Variants in NCF4 observed in about 807,000 individuals in gnomAD.
NCF4 encodes neutrophil cytosolic factor 4.
NCF4 carries 30 observed loss-of-function variants against 41.7 expected under a neutral mutation model. The ratio of observed to expected loss-of-function variants is 0.72; its 90% confidence interval spans 0.54 to 0.97. NCF4 has a LOEUF of 0.97. NCF4 is among the 50% of genes least tolerant of loss of function. The pLI is 0.00. For missense variants in NCF4, 432 were observed against 460.9 expected (o/e 0.94, Z 0.57); for synonymous variants, 195 against 175.8 (o/e 1.11, Z -0.87).
chr22:36,870,239 A>G, intron 4 of NCF4, 176 bp from the exon 5 acceptor site: 5 of 888,888 alleles, frequency 5.6e-6, no homozygotes, highest in Non-Finnish European at 8.8e-6. Flanking sequence ...GTGAAGTGTT[A>G]CCTTCAGCAT....
In NCF4 at chr22:36,864,963, C is replaced by T; in HGVS notation, c.162C>T (p.Leu54=). 1 of 1,614,106 alleles carries T rather than the reference C, an allele frequency of 6.2e-7. No individual in the cohort carries two copies. Among genetic ancestry groups the T allele is most frequent in the Non-Finnish European group, 8.5e-7 (1 of 1,180,018 alleles). Reference sequence around the variant, plus strand: ...AGACAAAAGGAGGATCCAAGTACCTCATCTACCGCCGCTACCGCCAGTTCC... The same window carrying T: ...AGACAAAAGGAGGATCCAAGTACCTTATCTACCGCCGCTACCGCCAGTTCC... The part of the protein sequence containing the change: ...EVKTKGGSKY[L]IYRRYRQFHA... The change falls in exon 3 of 10, where the codon CTC becomes CTT. Residue 54 remains leucine (L), a synonymous_variant. Coordinates refer to ENST00000248899, the MANE Select transcript of NCF4 (RefSeq NM_000631.5).
In NCF4 at chr22:36,865,094, G is replaced by A. The variant is rs374147489; in HGVS notation, c.271+22G>A. 1.2e-5 allele frequency: 19 copies of A among 1,605,548 alleles called. No homozygotes were observed. The African/African-American group carries it at 2.5e-4, about 21-fold the overall frequency. ...CCAGGTAGGCGGCCACTCCCGTCCTGCTGCTGCAGAGCTGCTGACTCTCCT... is the reference window on the plus strand; with the variant it reads ...CCAGGTAGGCGGCCACTCCCGTCCTACTGCTGCAGAGCTGCTGACTCTCCT... On this transcript the variant is annotated intron_variant, in intron 3 of 9. Transcript: ENST00000248899. This position sits in a 1 kb window ranked among gnomAD's most constrained non-coding sequence, Gnocchi z 4.3.
At chr22:36,863,530 T>C (rs904675122) in intron 1 of NCF4, among the ~76,000 whole-genome samples, 4 of 24,896 alleles carry the variant, frequency 1.6e-4, no homozygotes, top group Non-Finnish European at 3.1e-4. Flanking sequence ...CCTGCCTGTC[T>C]CTCCGACTGG....
chr22:36,873,916 C>A (rs1025771815), intron 7 of NCF4, among the ~76,000 whole-genome samples: 10 of 152,244 alleles, frequency 6.6e-5, no homozygotes, highest in Non-Finnish European at 1.2e-4. Context: ...GCAGTAAAAG[C>A]TGCTGATGAA....
chr22:36,876,586 C>T (rs1940199064), intron 9 of NCF4, among the ~76,000 whole-genome samples: 1 of 152,134 alleles, frequency 6.6e-6, no homozygotes, highest in East Asian at 1.9e-4. Context: ...CGTTATGTGA[C>T]GTACACTCAG....
intron 4 of NCF4, among the ~76,000 whole-genome samples, chr22:36,868,478 G>A (rs927952039): frequency 1.1e-4 from 16 of 152,242 alleles, no homozygotes; most frequent in Non-Finnish European, 2.9e-5. Context: ...CCTGATGGAG[G>A]GAAGGAGCAG....
rs1939903647 is a variant in NCF4, at chr22:36,865,390, A to G, written c.271+318A>G. Reference sequence around the variant, plus strand: ...AGCACCTGGCCTCCCTTCCTCAGAGACAGGAATCCCCCAGTCTGGTCCCTA... The same window carrying G: ...AGCACCTGGCCTCCCTTCCTCAGAGGCAGGAATCCCCCAGTCTGGTCCCTA... On this transcript the variant is annotated intron_variant, in intron 3 of 9. Coordinates refer to ENST00000248899, the MANE Select transcript of NCF4 (RefSeq NM_000631.5). The surrounding 1 kb of genome is among the most constrained non-coding windows in gnomAD (Gnocchi z 4.3). 6.6e-6 allele frequency among the ~76,000 whole-genome samples: 1 copy of G among 151,866 alleles called. No homozygotes were observed. The highest frequency in any genetic ancestry group is 1.5e-5 in the Non-Finnish European group (1 of 67,948).
In NCF4 at chr22:36,861,020, C is replaced by T. The variant is rs565072966; in HGVS notation, c.-152C>T. On this transcript the variant is annotated 5_prime_UTR_variant, in exon 1 of 10. Coordinates refer to ENST00000248899, the MANE Select transcript of NCF4 (RefSeq NM_000631.5). ...GAGCCTCTGCCAGACTGGAGAGAAG[C>T]AGGCCTGAGCCTCCCCAAAGGCAGC... 69 of 992,276 alleles carry T rather than the reference C, an allele frequency of 7.0e-5. No individual in the cohort carries two copies. The African/African-American group carries it at 1.1e-3, about 15-fold the overall frequency. The allele number at this position is 992,276 out of a possible 1,614,324, so 61.5% of individuals were successfully genotyped here.
In NCF4 at chr22:36,875,815, G is replaced by A. The variant is rs148129899; in HGVS notation, c.758+32G>A. 438 of 1,613,962 alleles carry A rather than the reference G, an allele frequency of 2.7e-4. No homozygotes were observed. Among genetic ancestry groups the A allele is most frequent in the Non-Finnish European group, 3.5e-4 (410 of 1,180,010 alleles). ...GGCCTGGGAGGGAGGGGCCTGTCCA[G>A]CCTTCCTGCCATCCCTACGACCACT... On this transcript the variant is annotated intron_variant, in intron 8 of 9. Coordinates refer to ENST00000248899, the MANE Select transcript of NCF4 (RefSeq NM_000631.5).
intron 7 of NCF4, 127 bp from the exon 8 acceptor site, chr22:36,875,526 C>T (rs996300640): frequency 3.6e-6 from 3 of 838,650 alleles, no homozygotes; most frequent in Non-Finnish European, 5.9e-6. Context: ...TTTCCCTCCT[C>T]CCTCTACAGA....
intron 4 of NCF4, among the ~76,000 whole-genome samples, chr22:36,869,531 G>A (rs990685500): frequency 3.9e-5 from 6 of 152,036 alleles, no homozygotes; most frequent in Admixed American, 6.5e-5. Flanking sequence ...AAAGTTCCCC[G>A]ACCCCACCTC....
intron 3 of NCF4, among the ~76,000 whole-genome samples, chr22:36,867,188 A>G (rs1439009560): frequency 6.6e-6 from 1 of 151,882 alleles, no homozygotes; most frequent in African/African-American, 2.4e-5. Context: ...GACAAGAAAA[A>G]TATCAGCTGG....
intron 1 of NCF4, among the ~76,000 whole-genome samples, chr22:36,863,161 C>T (rs758265744): frequency 4.6e-5 from 7 of 152,104 alleles, no homozygotes; most frequent in East Asian, 3.9e-4. Flanking sequence ...CGGTAGTGGC[C>T]GTGTATTGAG....
At chr22:36,873,136 A>AGATTGGAGGTG (rs1940120518) in intron 7 of NCF4, among the ~76,000 whole-genome samples, 2 of 145,780 alleles carry the variant, frequency 1.4e-5, no homozygotes, top group Non-Finnish European at 3.0e-5. Context: ...GATTGGAGGT[A>AGATTGGAGGTG]AGATTAGAGG....
intron 6 of NCF4, chr22:36,872,114 G>A (rs1161321605): frequency 1.4e-6 from 1 of 710,992 alleles, no homozygotes; most frequent in Non-Finnish European, 2.6e-6. Context: ...CCCCCACCAG[G>A]TTTGGAAGGA....
Position 36,864,207 on chromosome 22 carries a change from C to T in NCF4, c.117+78C>T. ...TGACCTCTGAACCTTGCCCTCTGAC[C>T]TCTGAACCTCCAATTCTCTGATCTC... is the stretch of plus-strand genomic sequence containing the variant. On this transcript the variant is annotated intron_variant, in intron 2 of 9. Transcript: ENST00000248899. 3 of 1,158,588 alleles carry T rather than the reference C, an allele frequency of 2.6e-6. No homozygotes were observed. In the South Asian group the frequency reaches 3.7e-5, roughly 14 times the overall value. The allele number at this position is 1,158,588 out of a possible 1,614,324, so 71.8% of individuals were successfully genotyped here.
chr22:36,871,244 G>T (rs1486590824), intron 5 of NCF4, among the ~76,000 whole-genome samples: 1 of 152,170 alleles, frequency 6.6e-6, no homozygotes, highest in Non-Finnish European at 1.5e-5. Context: ...GCAGCCGCAG[G>T]CCCCAGAGCA....
rs1940231830 is a variant in NCF4 at position 36,878,015 on chromosome 22, G to A, written c.*192G>A. The A allele has an allele frequency of 3.2e-6, 2 of 625,234 alleles. No homozygotes were observed. The highest frequency in any genetic ancestry group is 5.5e-6 in the Non-Finnish European group (2 of 361,952). 38.7% of individuals were successfully genotyped at this position (625,234 alleles called of 1,614,324 possible). ...AAATAAACCATTCCATCTGAAAGGG[G>A]CAGGCTGCGGGAAAGAGTGTCTTTC... is the stretch of plus-strand genomic sequence containing the variant. On this transcript the variant is annotated 3_prime_UTR_variant, in exon 10 of 10. Transcript: ENST00000248899.
intron 1 of NCF4, among the ~76,000 whole-genome samples, chr22:36,861,941 C>A (rs1939784203): frequency 6.6e-6 from 1 of 152,182 alleles, no homozygotes; most frequent in South Asian, 2.1e-4. Flanking sequence ...CTAGTCCAAC[C>A]TTGCCATTGT....
Sources: gnomAD v4.1 joint callset for allele counts (sites outside exome capture counted in the v4.1 genomes callset) on GRCh38, gnomAD v4.1.1 for gene constraint, Gnocchi (gnomAD v3.1) non-coding constraint, MANE v1.5 for transcripts, NCBI Gene and HGNC (gene_info 2026-07-23, HGNC 2026-07-21) for gene names.